Variants in FAM210A observed in about 807,000 individuals in gnomAD.
The protein encoded by FAM210A is mitochondrial inner membrane scaffold 1.
In FAM210A, 13 loss-of-function variants were observed where a neutral mutation model predicts 25.3. The ratio of observed to expected loss-of-function variants is 0.51; its 90% CI spans 0.33 to 0.82. FAM210A has a LOEUF of 0.82. Ranked by LOEUF, FAM210A falls within the 40% of genes least tolerant of loss-of-function variation. The pLI is 0.02. For synonymous variants in FAM210A, 125 were observed against 118.7 expected (o/e 1.05, Z -0.35); for missense variants, 319 against 323.2 (o/e 0.99, Z 0.10).
chr18:13,724,964 G>A (rs1343060841), intron 1 of FAM210A, among the ~76,000 whole-genome samples: 1 of 152,126 alleles, frequency 6.6e-6, no homozygotes, highest in East Asian at 1.9e-4. Flanking sequence ...AGTAGAGACG[G>A]GGTTTCACCA....
rs1014258917 is a variant in FAM210A at position 13,671,983 on chromosome 18, A to G, written c.474-10T>C. 29 of 1,572,758 alleles carry G rather than the reference A, an allele frequency of 1.8e-5. No homozygotes were observed. Among genetic ancestry groups the G allele is most frequent in the African/African-American group, 2.7e-5 (2 of 73,256 alleles). On this transcript the variant is annotated splice_polypyrimidine_tract_variant and intron_variant, in intron 2 of 3. Coordinates refer to ENST00000651643, the MANE Select transcript of FAM210A (RefSeq NM_152352.4). ...AACGACATTCACTCCTCTACAAAAA[A>G]AAAAAAGTAATTTTCATATGTACAA...
At chr18:13,689,715 A>C (rs2043626581) in intron 1 of FAM210A, among the ~76,000 whole-genome samples, 1 of 152,224 alleles carries the variant, frequency 6.6e-6, no homozygotes, top group African/African-American at 2.4e-5. Context: ...GGAAGATGTA[A>C]AACTTTTTAT....
At chr18:13,682,896 CAT>C (rs2043567936) in intron 1 of FAM210A, among the ~76,000 whole-genome samples, 1 of 152,104 alleles carries the variant, frequency 6.6e-6, no homozygotes. Context: ...ATAAAAATCT[CAT>C]AAAACACACC....
chr18:13,711,698 A>AT (rs748553664), intron 1 of FAM210A, among the ~76,000 whole-genome samples: 2 of 152,088 alleles, frequency 1.3e-5, no homozygotes, highest in East Asian at 3.8e-4. Context: ...GGCTCTATAC[A>AT]TTTTATCTGG....
At chr18:13,683,865 G>A (rs529251636) in intron 1 of FAM210A, among the ~76,000 whole-genome samples, 9 of 152,230 alleles carry the variant, frequency 5.9e-5, no homozygotes, top group East Asian at 3.9e-4. Flanking sequence ...CATCTTACAC[G>A]AATATTCTTT....
At chr18:13,700,346 T>A (rs1183433357) in intron 1 of FAM210A, among the ~76,000 whole-genome samples, 1 of 152,194 alleles carries the variant, frequency 6.6e-6, no homozygotes, top group African/African-American at 2.4e-5. Context: ...TCTGGCCCAC[T>A]TCCCTATAGC....
chr18:13,685,372 C>G (rs2043588160), intron 1 of FAM210A, among the ~76,000 whole-genome samples: 1 of 151,806 alleles, frequency 6.6e-6, no homozygotes, highest in Non-Finnish European at 1.5e-5. Context: ...CTTCCAGGTC[C>G]TCTCAATCCT....
At chr18:13,699,890 G>T (rs764410648) in intron 1 of FAM210A, among the ~76,000 whole-genome samples, 5 of 151,974 alleles carry the variant, frequency 3.3e-5, no homozygotes, top group Non-Finnish European at 7.4e-5. Context: ...CTAAACTTTT[G>T]CCATTATTTA....
At chr18:13,718,310 C>T (rs2043876020) in intron 1 of FAM210A, among the ~76,000 whole-genome samples, 1 of 152,076 alleles carries the variant, frequency 6.6e-6, no homozygotes. Flanking sequence ...GTTACAGGGA[C>T]TACAAAAATG....
intron 2 of FAM210A, among the ~76,000 whole-genome samples, chr18:13,673,599 C>T (rs1183282116): frequency 6.6e-6 from 1 of 150,770 alleles, no homozygotes; most frequent in Non-Finnish European, 1.5e-5. Flanking sequence ...ATTCCTGAGC[C>T]GTGACTTATT....
intron 1 of FAM210A, among the ~76,000 whole-genome samples, chr18:13,716,172 C>G (rs1384304018): frequency 6.6e-6 from 1 of 152,192 alleles, no homozygotes; most frequent in African/African-American, 2.4e-5. Context: ...AAGACTTCCA[C>G]TTTAAGATTG....
At chr18:13,672,036 C>T (rs1601940033) in intron 2 of FAM210A, 63 bp from the exon 3 acceptor site, 2 of 1,150,674 alleles carry the variant, frequency 1.7e-6, no homozygotes, top group East Asian at 5.0e-5. Context: ...CAAAAATTAT[C>T]TGAAAATACC....
chr18:13,698,789 T>A (rs1022928933), intron 1 of FAM210A, among the ~76,000 whole-genome samples: 6 of 152,186 alleles, frequency 3.9e-5, no homozygotes, highest in African/African-American at 1.4e-4. Context: ...CTTATCGATA[T>A]CCTCCGGGGC....
intron 2 of FAM210A, among the ~76,000 whole-genome samples, chr18:13,678,249 T>C (rs973176051): frequency 1.3e-5 from 2 of 152,144 alleles, no homozygotes; most frequent in Non-Finnish European, 2.9e-5. Flanking sequence ...CCTGCATCCT[T>C]TGTCAGATAA....
At chr18:13,707,334 A>T (rs1045768112) in intron 1 of FAM210A, among the ~76,000 whole-genome samples, 2 of 152,232 alleles carry the variant, frequency 1.3e-5, no homozygotes, top group Non-Finnish European at 2.9e-5. Flanking sequence ...ACAAAAGTGG[A>T]GCCACTCCTG....
chr18:13,693,100 T>G (rs1601954783), intron 1 of FAM210A, among the ~76,000 whole-genome samples: 1 of 152,062 alleles, frequency 6.6e-6, no homozygotes, highest in Non-Finnish European at 1.5e-5. Context: ...CAAACTACCA[T>G]CGGAGAATAC....
At chr18:13,717,372 G>T (rs1218508086) in intron 1 of FAM210A, among the ~76,000 whole-genome samples, 2 of 152,032 alleles carry the variant, frequency 1.3e-5, no homozygotes, top group Admixed American at 1.3e-4. Context: ...CGAACTCCTG[G>T]GCTCAAGTGA....
At chr18:13,675,763 A>T (rs200692790) in intron 2 of FAM210A, among the ~76,000 whole-genome samples, 157 of 5,882 alleles carry the variant, frequency 0.027, 2 homozygotes, top group Admixed American at 0.039. Context: ...CTTTATTTCC[A>T]GTTTCCTGAT....
chr18:13,716,765 TGAA>T (rs1240862771), intron 1 of FAM210A, among the ~76,000 whole-genome samples: 1 of 152,162 alleles, frequency 6.6e-6, no homozygotes, highest in Non-Finnish European at 1.5e-5. Flanking sequence ...TGCTGCCTTG[TGAA>T]GAAGGTGCCT....
Sources: allele counts gnomAD v4.1 joint callset (sites outside exome capture counted in the v4.1 genomes callset), GRCh38; gene constraint gnomAD v4.1.1; transcripts MANE v1.5; gene names NCBI Gene and HGNC (gene_info 2026-07-23, HGNC 2026-07-21).